Variants in ANGPT4 observed in about 807,000 individuals in gnomAD.
The protein encoded by ANGPT4 is angiopoietin 4.
A neutral mutation model predicts 53.0 loss-of-function variants in ANGPT4; 50 were observed. The observed-to-expected ratio is 0.94, with a 90% CI of 0.75 to 1.20. ANGPT4 has a LOEUF of 1.20. Among genes scored for constraint, ANGPT4 ranks in the 50% most tolerant of loss-of-function variants. The pLI, the probability that ANGPT4 is intolerant of heterozygous loss-of-function variation, is 0.00. For missense variants in ANGPT4, 648 were observed against 637.1 expected (o/e 1.02, Z -0.18); for synonymous variants, 251 against 259.7 (o/e 0.97, Z 0.32).
intron 5 of ANGPT4, among the ~76,000 whole-genome samples, 159 bp from the exon 6 acceptor site, chr20:880,007 C>T (rs1022233738): frequency 2.6e-5 from 4 of 152,200 alleles, no homozygotes; most frequent in African/African-American, 9.7e-5. Context: ...AATTCCCCAC[C>T]CATTGTCATC....
intron 8 of ANGPT4, among the ~76,000 whole-genome samples, chr20:873,724 G>C (rs533526383): frequency 3.9e-5 from 6 of 151,982 alleles, no homozygotes; most frequent in Non-Finnish European, 7.4e-5. Context: ...CTCTGCCCCA[G>C]TATAGCTCTC....
rs1176784181 is a variant in ANGPT4, at chr20:908,085, G to A, written c.309+7821C>T. Among the ~76,000 whole-genome samples, 1 of 152,136 alleles carries A rather than the reference G, an allele frequency of 6.6e-6. No homozygotes were observed. Among genetic ancestry groups the A allele is most frequent in the African/African-American group, 2.4e-5 (1 of 41,434 alleles). ...GTGGCTGAGGCTGATCCTGCAGATG[G>A]GGTGACAGGGATAAGATTAGGGTCA... On this transcript the variant is annotated intron_variant, in intron 1 of 8. Coordinates refer to ENST00000381922, the MANE Select transcript of ANGPT4 (RefSeq NM_015985.4). This position sits in a 1 kb window ranked among gnomAD's most constrained non-coding sequence, Gnocchi z 4.9.
At position 874,309 on chromosome 20, in the gene ANGPT4, G is replaced by A. The variant is rs1424130944; in HGVS notation, c.1326C>T (p.Cys442=). ...TLDSDNDHCL[C]KCAQVMSGGW... ...CTCCAGACATCACTTGGGCACACTTGCAGAGACAGTGGTCGTTGTCTGAGT... is the reference window on the plus strand; with the variant it reads ...CTCCAGACATCACTTGGGCACACTTACAGAGACAGTGGTCGTTGTCTGAGT... The change falls in exon 8 of 9, where the codon TGC becomes TGT. Residue 442 remains cysteine, a synonymous_variant. Coordinates refer to ENST00000381922, the MANE Select transcript of ANGPT4 (RefSeq NM_015985.4). 1.9e-6 allele frequency: 3 copies of A among 1,614,228 alleles called. No individual in the cohort carries two copies. In the South Asian group the frequency reaches 3.3e-5, roughly 18 times the overall value.
At chr20:896,136 C>A (rs1469399342) in intron 1 of ANGPT4, among the ~76,000 whole-genome samples, 5 of 152,152 alleles carry the variant, frequency 3.3e-5, no homozygotes, top group African/African-American at 1.2e-4. Context: ...AGATCTCCTC[C>A]AGTGAACCCC....
intron 1 of ANGPT4, among the ~76,000 whole-genome samples, chr20:893,818 G>T (rs1214508663): frequency 1.3e-5 from 2 of 151,994 alleles, no homozygotes; most frequent in African/African-American, 4.8e-5. Context: ...CTTTTTCTTA[G>T]CGGCCACACT....
intron 4 of ANGPT4, among the ~76,000 whole-genome samples, chr20:881,962 G>A (rs1001094338): frequency 6.6e-6 from 1 of 152,206 alleles, no homozygotes; most frequent in African/African-American, 2.4e-5. Context: ...AGGCCCAAGA[G>A]TGAGGCAACT....
rs1982679261 is a variant in ANGPT4, at chr20:911,158, GCAA to G, written c.309+4745_309+4747del. ...TCAGTTTGGGAGGGTCTCAGGCTGG[GCAA>G]GGACCCCACCCTGGGTTCCTCCTTG... On this transcript the variant is annotated intron_variant, in intron 1 of 8. Coordinates refer to ENST00000381922, the MANE Select transcript of ANGPT4 (RefSeq NM_015985.4). This position sits in a 1 kb window ranked among gnomAD's most constrained non-coding sequence, Gnocchi z 4.9. 6.6e-6 allele frequency among the ~76,000 whole-genome samples: 1 copy of G among 152,078 alleles called. No individual in the cohort carries two copies. The highest frequency in any genetic ancestry group is 2.4e-5 in the African/African-American group (1 of 41,418).
intron 1 of ANGPT4, among the ~76,000 whole-genome samples, chr20:915,233 C>A (rs897140019): frequency 2.6e-5 from 4 of 151,882 alleles, no homozygotes; most frequent in African/African-American, 7.3e-5. Flanking sequence ...GGCCCCCCCC[C>A]CAGCTGCATG....
chr20:873,307 C>T (rs1981023435), intron 8 of ANGPT4, among the ~76,000 whole-genome samples, 187 bp from the exon 9 acceptor site: 1 of 151,982 alleles, frequency 6.6e-6, no homozygotes, highest in African/African-American at 2.4e-5. Flanking sequence ...TCTGCTCAGC[C>T]GGGGCCTCTA....
chr20:879,925 G>C (rs1372887797), intron 5 of ANGPT4, 77 bp from the exon 6 acceptor site: 1 of 1,096,760 alleles, frequency 9.1e-7, no homozygotes, highest in Non-Finnish European at 1.3e-6. Context: ...CCCAAATGTG[G>C]CTAAGCAGAC....
chr20:912,960 T>G (rs1982763083), intron 1 of ANGPT4, among the ~76,000 whole-genome samples: 1 of 152,118 alleles, frequency 6.6e-6, no homozygotes, highest in African/African-American at 2.4e-5. Context: ...CAAGTCACTT[T>G]CCCTCTCTGG....
chr20:881,013 A>G (rs1381254378), intron 5 of ANGPT4, among the ~76,000 whole-genome samples, 158 bp downstream of exon 5: 1 of 152,114 alleles, frequency 6.6e-6, no homozygotes, highest in Non-Finnish European at 1.5e-5. Context: ...TATCCCCACA[A>G]TCTGATCCCT....
At chr20:910,194 C>A (rs1982644991) in intron 1 of ANGPT4, among the ~76,000 whole-genome samples, 1 of 152,142 alleles carries the variant, frequency 6.6e-6, no homozygotes, top group Non-Finnish European at 1.5e-5. Context: ...TCTCTTGGTG[C>A]CTCAGTTTCC....
At chr20:886,166 G>A (rs987696016) in intron 3 of ANGPT4, among the ~76,000 whole-genome samples, 4 of 152,186 alleles carry the variant, frequency 2.6e-5, no homozygotes, top group Admixed American at 1.3e-4. Context: ...TCAAAAGAAA[G>A]CCTTAGACTC....
chr20:887,096 G>T (rs1981645737), intron 3 of ANGPT4, among the ~76,000 whole-genome samples: 1 of 152,222 alleles, frequency 6.6e-6, no homozygotes, highest in African/African-American at 2.4e-5. Flanking sequence ...GAGAGACAGG[G>T]CTGGGAGGGA....
chr20:895,464 G>A (rs1429624179), intron 1 of ANGPT4, among the ~76,000 whole-genome samples: 2 of 152,142 alleles, frequency 1.3e-5, no homozygotes, highest in Admixed American at 1.3e-4. Flanking sequence ...TTACAGATCT[G>A]GGTCATGGGT....
chr20:884,003 G>A (rs1568831456), intron 4 of ANGPT4, among the ~76,000 whole-genome samples: 1 of 152,232 alleles, frequency 6.6e-6, no homozygotes, highest in Non-Finnish European at 1.5e-5. Flanking sequence ...ATCCCTGTCA[G>A]CCCTGGTGGT....
Position 882,764 on chromosome 20 carries a change from C to T in ANGPT4, c.836-1478G>A, listed in dbSNP as rs190629730. ...TCCAGCCACCCTTTCCAAGGCTCTG[C>T]TCACTGTTATTTTCCTTAGTCTACA... is the stretch of plus-strand genomic sequence containing the variant. On this transcript the variant is annotated intron_variant, in intron 4 of 8. Transcript: ENST00000381922. Among the ~76,000 whole-genome samples the T allele has an allele frequency of 2.6e-5, 4 of 152,334 alleles. No homozygotes were observed. The East Asian group carries it at 5.8e-4, about 22-fold the overall frequency.
intron 1 of ANGPT4, among the ~76,000 whole-genome samples, chr20:907,761 C>A (rs1026510452): frequency 9.2e-5 from 14 of 152,106 alleles, no homozygotes; most frequent in African/African-American, 3.1e-4. Flanking sequence ...TGTGACAGCG[C>A]CCCTGCCCAC....
Sources: allele counts gnomAD v4.1 joint callset (sites outside exome capture counted in the v4.1 genomes callset), GRCh38; gene constraint gnomAD v4.1.1; non-coding constraint Gnocchi (gnomAD v3.1); transcripts MANE v1.5; gene names NCBI Gene and HGNC (gene_info 2026-07-23, HGNC 2026-07-21).